TNNT1: variants seen among roughly 807,000 people sequenced by gnomAD.
TNNT1 encodes troponin T, slow skeletal muscle.
A neutral mutation model predicts 50.6 loss-of-function variants in TNNT1; 53 were observed. The ratio of observed to expected loss-of-function variants is 1.05; its 90% CI spans 0.84 to 1.32. The LOEUF (loss-of-function observed/expected upper bound fraction) is 1.32, where lower values mean the gene tolerates loss of function less well. Among genes scored for constraint, TNNT1 ranks in the 40% most tolerant of loss-of-function variants. The pLI is 0.00. For missense variants in TNNT1, 348 were observed against 381.7 expected (o/e 0.91, Z 0.74); for synonymous variants, 142 against 138.0 (o/e 1.03, Z -0.20).
Position 55,133,764 on chromosome 19 carries a change from G to A in TNNT1, c.791+123C>T, listed in dbSNP as rs2085290486. The A allele has an allele frequency of 2.7e-6, 3 of 1,109,226 alleles. 1 individual carries two copies. Among genetic ancestry groups the A allele is most frequent in the South Asian group, 2.5e-5 (2 of 80,416 alleles). The allele number at this position is 1,109,226 out of a possible 1,614,324, so 68.7% of individuals were successfully genotyped here. On this transcript the variant is annotated intron_variant, in intron 13 of 13. Coordinates refer to ENST00000588981, the MANE Select transcript of TNNT1 (RefSeq NM_003283.6). ...AGAGAGAGGAGGACAGAGAAGGAAG[G>A]ACAAAGAGAAAGGGGCAGAAACTCA...
At chr19:55,134,246 G>A in intron 11 of TNNT1, 42 bp from the exon 12 acceptor site, 1 of 1,544,498 alleles carries the variant, frequency 6.5e-7, no homozygotes, top group Non-Finnish European at 8.7e-7. Flanking sequence ...CAGAGAGGTT[G>A]TGGGAACCAC....
At chr19:55,133,619 A>G (rs1019419842) in intron 13 of TNNT1, 3 of 536,764 alleles carry the variant, frequency 5.6e-6, no homozygotes, top group Non-Finnish European at 1.0e-5. Context: ...TGGAAGTTGC[A>G]GTGAGCTGAG....
In TNNT1 at chr19:55,137,973, G is replaced by A. The variant is rs2085383956; in HGVS notation, c.489C>T (p.Gly163=). ...VLSNMGAHFG[G]YLVKAEQKRG... is the part of the protein sequence containing the mutation. ...CAGGCTGACTCACCTTGACCAGGTA[G>A]CCGCCAAAATGGGCCCCCATGTTGG... Residue 163 remains glycine, a synonymous_variant, in exon 10 of 14, where the codon GGC becomes GGT. Transcript: ENST00000588981. 2.1e-5 allele frequency: 34 copies of A among 1,614,046 alleles called. No homozygotes were observed. The highest frequency in any genetic ancestry group is 2.8e-5 in the Non-Finnish European group (33 of 1,180,022).
chr19:55,146,337 G>T, intron 5 of TNNT1, 97 bp downstream of exon 5: 1 of 820,104 alleles, frequency 1.2e-6, no homozygotes, highest in Non-Finnish European at 1.7e-6. Flanking sequence ...GGGGGCGGAG[G>T]GAGGGAAGGG....
At chr19:55,140,780 G>GAATAAT (rs2085434704) in intron 9 of TNNT1, 103 bp downstream of exon 9, 2 of 838,330 alleles carry the variant, frequency 2.4e-6, no homozygotes, top group African/African-American at 3.7e-5. Context: ...CCGTTTCAAA[G>GAATAAT]AATAATAATA....
intron 6 of TNNT1, among the ~76,000 whole-genome samples, chr19:55,144,498 G>A (rs1297189848): frequency 6.6e-6 from 1 of 152,196 alleles, no homozygotes; most frequent in Non-Finnish European, 1.5e-5. Flanking sequence ...TCCTTCCTCA[G>A]CCTCCTGAGT....
chr19:55,141,461 G>C (rs2085452608), intron 7 of TNNT1, among the ~76,000 whole-genome samples, 159 bp from the exon 8 acceptor site: 1 of 151,938 alleles, frequency 6.6e-6, no homozygotes. Context: ...GCTCTTCCAA[G>C]GACAGGCTTC....
chr19:55,132,728 T>C lies in TNNT1; in HGVS notation c.*187A>G, dbSNP rs141909955. ...GTTCAGCCTGCCGTACTTTAATGATTATTGGTGACACTCTTTCAAGTAACT... is the reference window on the plus strand; with the variant it reads ...GTTCAGCCTGCCGTACTTTAATGATCATTGGTGACACTCTTTCAAGTAACT... On this transcript the variant is annotated 3_prime_UTR_variant, in exon 14 of 14. Transcript: ENST00000588981. 3.5e-4 allele frequency: 227 copies of C among 642,174 alleles called. 1 individual carries two copies. In the East Asian group the frequency reaches 4.8e-3, roughly 14 times the overall value. 39.8% of individuals were successfully genotyped at this position (642,174 alleles called of 1,614,324 possible). A position where few individuals can be genotyped will look rare whatever the true frequency, so the allele number is the denominator to read the frequency against.
chr19:55,142,596 A>G (rs1409961282), intron 6 of TNNT1, among the ~76,000 whole-genome samples: 2 of 149,456 alleles, frequency 1.3e-5, no homozygotes, highest in South Asian at 4.3e-4. Context: ...CCAGGCTGGA[A>G]TGCAGTGGCG....
chr19:55,149,080 G>A (rs1049806110), intron 1 of TNNT1, 81 bp downstream of exon 1: 5 of 450,952 alleles, frequency 1.1e-5, no homozygotes, highest in African/African-American at 8.0e-5. Context: ...CTCCACACCC[G>A]ACATCTTCCC....
intron 4 of TNNT1, 41 bp downstream of exon 4, chr19:55,146,640 C>A (rs761053245): frequency 9.0e-6 from 12 of 1,331,894 alleles, no homozygotes; most frequent in Non-Finnish European, 1.1e-5. Flanking sequence ...TCCCCGCCCC[C>A]CCACCCCCCA....
rs1381236364 is a variant in TNNT1 at position 55,146,773 on chromosome 19, G to A, written c.47-66C>T. The A allele has an allele frequency of 6.7e-6, 9 of 1,339,572 alleles. No homozygotes were observed. In the East Asian group the frequency reaches 2.2e-4, roughly 33 times the overall value. The allele number at this position is 1,339,572 out of a possible 1,614,324, so 83.0% of individuals were successfully genotyped here. A position where few individuals can be genotyped will look rare whatever the true frequency, so the allele number is the denominator to read the frequency against. ...GGGAGGGATGGGGGCGGTGGCCAGA[G>A]ACCAGGGTTCCAGTCTCTGCTGGAC... is the stretch of plus-strand genomic sequence containing the variant. On this transcript the variant is annotated intron_variant, in intron 3 of 13. Coordinates refer to ENST00000588981, the MANE Select transcript of TNNT1 (RefSeq NM_003283.6).
chr19:55,138,300 C>T (rs546327414), intron 9 of TNNT1, among the ~76,000 whole-genome samples: 14 of 144,492 alleles, frequency 9.7e-5, no homozygotes, highest in African/African-American at 2.9e-4. Context: ...TTTTTTGAGA[C>T]GGACTCTCGC....
intron 4 of TNNT1, 80 bp from the exon 5 acceptor site, chr19:55,146,546 G>A: frequency 8.8e-7 from 1 of 1,139,574 alleles, no homozygotes; most frequent in East Asian, 3.0e-5. Context: ...AGGGGAGAGA[G>A]GGAAGAGACG....
intron 9 of TNNT1, among the ~76,000 whole-genome samples, chr19:55,138,762 GT>G (rs1320055621): frequency 6.6e-6 from 1 of 152,206 alleles, no homozygotes; most frequent in Non-Finnish European, 1.5e-5. Context: ...GAGAATGTCT[GT>G]TTTGAGGGGG....
chr19:55,133,174 T>G lies in TNNT1; in HGVS notation c.792-214A>C, dbSNP rs148326143. Among the ~76,000 whole-genome samples the G allele has an allele frequency of 6.6e-3, 1,005 of 151,662 alleles. 14 individuals are homozygous for G. The highest frequency in any genetic ancestry group is 0.022 in the African/African-American group (905 of 41,268). On this transcript the variant is annotated intron_variant, in intron 13 of 13. Transcript: ENST00000588981. The stretch of plus-strand genomic sequence containing the variant: ...CTCGCTGACATGTGGGAGCTGATAT[T>G]TGGGGGCGAGTGCAGGGTGTTCATG...
chr19:55,146,860 G>C, intron 3 of TNNT1, 148 bp downstream of exon 3: 1 of 1,242,534 alleles, frequency 8.0e-7, no homozygotes, highest in South Asian at 1.6e-5. Context: ...GGGATGGCGC[G>C]AGGAGACGCT....
At chr19:55,134,011 C>T in intron 12 of TNNT1, 55 bp downstream of exon 12, 1 of 1,612,148 alleles carries the variant, frequency 6.2e-7, no homozygotes, top group South Asian at 1.1e-5. Flanking sequence ...TTTGCTGGTC[C>T]CTCCCAGCCC....
intron 6 of TNNT1, among the ~76,000 whole-genome samples, chr19:55,143,914 GAGA>G (rs1300684089): frequency 1.3e-5 from 2 of 152,022 alleles, no homozygotes; most frequent in Non-Finnish European, 2.9e-5. Flanking sequence ...CAACTTCTCT[GAGA>G]AGGAGATGGC....
Sources: allele counts gnomAD v4.1 joint callset (sites outside exome capture counted in the v4.1 genomes callset), GRCh38; gene constraint gnomAD v4.1.1; transcripts MANE v1.5; gene names NCBI Gene and HGNC (gene_info 2026-07-23, HGNC 2026-07-21).